The following WDR6 variants were observed in gnomAD, a reference collection of about 807,000 sequenced individuals.
WDR6 encodes the protein tRNA (34-2'-O)-methyltransferase regulator WDR6.
In WDR6, 58 loss-of-function variants were observed where a neutral mutation model predicts 85.6. The ratio of observed to expected loss-of-function variants is 0.68; its 90% CI spans 0.55 to 0.84. WDR6 has a LOEUF of 0.84. WDR6 is among the 40% of genes least tolerant of loss of function. WDR6 has a pLI of 0.00. For synonymous variants in WDR6, 569 were observed against 582.2 expected, an observed-to-expected ratio of 0.98 and a Z score of 0.33; for missense variants, 1,310 against 1,476.4, an observed-to-expected ratio of 0.89 and a Z score of 1.85.
Position 49,009,324 on chromosome 3 carries a change from C to A in WDR6, c.100+1793C>A, listed in dbSNP as rs1374111573. 2.0e-4 allele frequency among the ~76,000 whole-genome samples: 25 copies of A among 125,782 alleles called. 1 individual carries two copies. The highest frequency in any genetic ancestry group is 3.2e-4 in the Non-Finnish European group (19 of 59,026). 82.5% of individuals were successfully genotyped at this position (125,782 alleles called of 152,430 possible). A position where few individuals can be genotyped will look rare whatever the true frequency, so the allele number is the denominator to read the frequency against. ...CCATTGCTCCCCACCCCCCCCCCCCCGCCCCAACATTTCCCAGTCCCCCTC... is the reference window on the plus strand; with the variant it reads ...CCATTGCTCCCCACCCCCCCCCCCCAGCCCCAACATTTCCCAGTCCCCCTC... On this transcript the variant is annotated intron_variant, in intron 1 of 5. Transcript: ENST00000608424.
At position 49,015,554 on chromosome 3, in the gene WDR6, G is replaced by T; in HGVS notation, c.*266G>T. ...TGCTTTTTTTCCAGTTGATGACTTT[G>T]TGAACATTCCCAGGTATTGGAGCCT... On this transcript the variant is annotated 3_prime_UTR_variant, in exon 6 of 6. Transcript: ENST00000608424. The T allele has an allele frequency of 6.2e-7, 1 of 1,608,990 alleles. No homozygotes were observed. The highest frequency in any genetic ancestry group is 8.5e-7 in the Non-Finnish European group (1 of 1,178,092).
In WDR6 at chr3:49,012,671, G is replaced by C. The variant is rs146618460; in HGVS notation, c.1137G>C (p.Lys379Asn). 4.2e-5 allele frequency: 67 copies of C among 1,613,968 alleles called. No individual in the cohort carries two copies. The highest frequency in any genetic ancestry group is 5.1e-5 in the Non-Finnish European group (60 of 1,180,020). ...GALYLYDVEV[K>N]CWEQLLEDKH... ...TGTATCTCTATGACGTCGAGGTCAA[G>C]TGCTGGGAGCAGCTGCTAGAGGATA... The change falls in exon 2 of 6, where the codon AAG becomes AAC. Residue 379 changes from lysine to asparagine, a missense_variant. Transcript: ENST00000608424. This position sits in a 1 kb window ranked among gnomAD's most constrained non-coding sequence, Gnocchi z 4.4.
chr3:49,013,144 G>T lies in WDR6; in HGVS notation c.1610G>T (p.Gly537Val), dbSNP rs200785332. 2.5e-5 allele frequency: 41 copies of T among 1,609,254 alleles called. No homozygotes were observed. In the South Asian group the frequency reaches 4.4e-4, roughly 17 times the overall value. Residue 537 changes from glycine (G) to valine (V), a missense_variant, in exon 2 of 6, where the codon GGT becomes GTT. Gly to Val is a moderately radical substitution (Grantham distance 109). Coordinates refer to ENST00000608424, the MANE Select transcript of WDR6 (RefSeq NM_018031.6). This position sits in a 1 kb window ranked among gnomAD's most constrained non-coding sequence, Gnocchi z 4.6. ...DPGVGGKARA[G>V]AGAPVVGSGS... The stretch of plus-strand genomic sequence containing the variant: ...GGGGTGGGAGGCAAGGCTCGGGCTG[G>T]TGCTGGGGCACCTGTAGTGGGTAGT...
chr3:49,012,032 T>C lies in WDR6; in HGVS notation c.498T>C (p.Ile166=). 1 of 1,614,138 alleles carries C rather than the reference T, an allele frequency of 6.2e-7. No individual in the cohort carries two copies. The highest frequency in any genetic ancestry group is 8.5e-7 in the Non-Finnish European group (1 of 1,180,020). ...GCACCCTCTCTTCAGCCTGCCTGATTGGAGACGCCTGGAAGGAGCTGACCA... is the reference window on the plus strand; with the variant it reads ...GCACCCTCTCTTCAGCCTGCCTGATCGGAGACGCCTGGAAGGAGCTGACCA... ...DRCTLSSACL[I]GDAWKELTIV... The change falls in exon 2 of 6, where the codon ATT becomes ATC. Residue 166 remains isoleucine (I), a synonymous_variant. Transcript: ENST00000608424. This position sits in a 1 kb window ranked among gnomAD's most constrained non-coding sequence, Gnocchi z 4.4.
Position 49,007,815 on chromosome 3 carries a change from C to T in WDR6, c.100+284C>T, listed in dbSNP as rs947936208. On this transcript the variant is annotated intron_variant, in intron 1 of 5. Transcript: ENST00000608424. This position sits in a 1 kb window ranked among gnomAD's most constrained non-coding sequence, Gnocchi z 5.1. ...CGCGGGAGGGTGCAGGGGAACGCGG[C>T]CGCGCGGAGGCGGAGGCGGAGGCCC... 2.6e-5 allele frequency among the ~76,000 whole-genome samples: 4 copies of T among 151,928 alleles called. No individual in the cohort carries two copies. Among genetic ancestry groups the T allele is most frequent in the Non-Finnish European group, 5.9e-5 (4 of 67,964 alleles).
In WDR6 at chr3:49,015,230, T is replaced by G; in HGVS notation, c.3308T>G (p.Phe1103Cys). 3.1e-6 allele frequency: 5 copies of G among 1,613,522 alleles called. No individual in the cohort carries two copies. In the South Asian group the frequency reaches 5.5e-5, roughly 18 times the overall value. The change falls in exon 6 of 6, where the codon TTT (phenylalanine) becomes TGT (cysteine). Residue 1103 changes from phenylalanine (F) to cysteine (C), a missense_variant. By Grantham distance (205) the Phe-to-Cys change is radical (BLOSUM62 -2). Coordinates refer to ENST00000608424, the MANE Select transcript of WDR6 (RefSeq NM_018031.6). ...GACTGCTGGCCTGTGAGCCCTGAGT[T>G]TGGCCACCGTTGTGCCCTTGGGGGT... ...DMDCWPVSPE[F>C]GHRCALGGQG...
At position 49,012,008 on chromosome 3, in the gene WDR6, C is replaced by A; in HGVS notation, c.474C>A (p.Cys158Ter). 1.9e-6 allele frequency: 3 copies of A among 1,614,194 alleles called. No homozygotes were observed. Among genetic ancestry groups the A allele is most frequent in the Non-Finnish European group, 2.5e-6 (3 of 1,180,034 alleles). The change falls in exon 2 of 6, where the codon TGC becomes TGA. Residue 158 changes from cysteine (C) to a stop codon, truncating the protein, a stop_gained. Coordinates refer to ENST00000608424, the MANE Select transcript of WDR6 (RefSeq NM_018031.6). LOFTEE classifies it high-confidence loss of function. This position sits in a 1 kb window ranked among gnomAD's most constrained non-coding sequence, Gnocchi z 4.4. Reference protein sequence around the residue: ...ILQEVPCTDRCTLSSACLIGD... With the variant: ...ILQEVPCTDR ...AAGAGGTGCCCTGCACAGACAGGTG[C>A]ACCCTCTCTTCAGCCTGCCTGATTG...
At chr3:49,008,824 C>G (rs1170480498) in intron 1 of WDR6, 4 of 152,612 alleles carry the variant, frequency 2.6e-5, no homozygotes, top group Non-Finnish European at 5.9e-5. Flanking sequence ...TCACCTACTT[C>G]TGTGGCTTCC....
rs2093016848 is a variant in WDR6 at position 49,011,815 on chromosome 3, T to C, written c.281T>C (p.Val94Ala). 1.2e-6 allele frequency: 2 copies of C among 1,614,018 alleles called. No individual in the cohort carries two copies. Among genetic ancestry groups the C allele is most frequent in the Non-Finnish European group, 1.7e-6 (2 of 1,180,006 alleles). Residue 94 changes from valine to alanine, a missense_variant, in exon 2 of 6, where the codon GTT becomes GCT. By Grantham distance (64) the Val-to-Ala change is moderately conservative. Coordinates refer to ENST00000608424, the MANE Select transcript of WDR6 (RefSeq NM_018031.6). ...GTGTTTGGAAGCAAGGGACTCCGAG[T>C]TGTGAAAATTAGCTGGGGACAGGGC... Reference protein sequence around the residue: ...VAVFGSKGLRVVKISWGQGHF... With the variant: ...VAVFGSKGLRAVKISWGQGHF...
In WDR6 at chr3:49,007,663, G is replaced by T. The variant is rs1347923329; in HGVS notation, c.100+132G>T. 7 of 1,353,724 alleles carry T rather than the reference G, an allele frequency of 5.2e-6. No individual in the cohort carries two copies. Among genetic ancestry groups the T allele is most frequent in the Admixed American group, 3.2e-5 (1 of 30,810 alleles). 83.9% of individuals were successfully genotyped at this position (1,353,724 alleles called of 1,614,324 possible). A position where few individuals can be genotyped will look rare whatever the true frequency, so the allele number is the denominator to read the frequency against. On this transcript the variant is annotated intron_variant, in intron 1 of 5. Transcript: ENST00000608424. This position sits in a 1 kb window ranked among gnomAD's most constrained non-coding sequence, Gnocchi z 5.1. ...AGCAGGTTGAGGCCGATCGGAGGTGGGAAGGGAGCCCCGGAGATGGCGGGG... is the reference window on the plus strand; with the variant it reads ...AGCAGGTTGAGGCCGATCGGAGGTGTGAAGGGAGCCCCGGAGATGGCGGGG...
In WDR6 at chr3:49,012,666, G is replaced by A. The variant is rs373939718; in HGVS notation, c.1132G>A (p.Val378Ile). 2 of 1,613,964 alleles carry A rather than the reference G, an allele frequency of 1.2e-6. No individual in the cohort carries two copies. The highest frequency in any genetic ancestry group is 1.7e-6 in the Non-Finnish European group (2 of 1,180,012). The change falls in exon 2 of 6, where the codon GTC (valine) becomes ATC (isoleucine). Residue 378 changes from valine to isoleucine, a missense_variant. Physicochemically the swap from Val to Ile is conservative, Grantham distance 29. Transcript: ENST00000608424. The surrounding 1 kb of genome is among the most constrained non-coding windows in gnomAD (Gnocchi z 4.4). ...TGALYLYDVE[V>I]KCWEQLLEDK... is the part of the protein sequence containing the mutation. ...GGCCCTGTATCTCTATGACGTCGAGGTCAAGTGCTGGGAGCAGCTGCTAGA... is the reference window on the plus strand; with the variant it reads ...GGCCCTGTATCTCTATGACGTCGAGATCAAGTGCTGGGAGCAGCTGCTAGA...
chr3:49,010,997 CAG>C (rs1293329097), intron 1 of WDR6: 6 of 421,532 alleles, frequency 1.4e-5, no homozygotes, highest in Non-Finnish European at 2.8e-5. Context: ...GCCTCAGCGA[CAG>C]AATGAGACTC....
rs559131693 is a variant in WDR6 at position 49,007,463 on chromosome 3, G to C, written c.32G>C (p.Arg11Pro). 1 of 1,612,690 alleles carries C rather than the reference G, an allele frequency of 6.2e-7. No homozygotes were observed. The highest frequency in any genetic ancestry group is 1.7e-5 in the Admixed American group (1 of 59,966). The change falls in exon 1 of 6, where the codon CGG becomes CCG. Residue 11 changes from arginine (R) to proline (P), a missense_variant. Coordinates refer to ENST00000608424, the MANE Select transcript of WDR6 (RefSeq NM_018031.6). This position sits in a 1 kb window ranked among gnomAD's most constrained non-coding sequence, Gnocchi z 5.1. MDALEDYVWPRATSELILLPV... is the reference protein window; with the variant it reads MDALEDYVWPPATSELILLPV... ...GCTCTCGAGGACTACGTTTGGCCGCGGGCAACCTCGGAGCTTATACTCCTC... is the reference window on the plus strand; with the variant it reads ...GCTCTCGAGGACTACGTTTGGCCGCCGGCAACCTCGGAGCTTATACTCCTC...
Position 49,015,600 on chromosome 3 carries a change from C to A in WDR6, c.*312C>A. ...AGCCTCTGTGGCCTTAAATGTGGCT[C>A]AGTGGAGGGAGACCCAGCATAGCCA... On this transcript the variant is annotated 3_prime_UTR_variant, in exon 6 of 6. Coordinates refer to ENST00000608424, the MANE Select transcript of WDR6 (RefSeq NM_018031.6). 1.2e-6 allele frequency: 2 copies of A among 1,614,122 alleles called. No individual in the cohort carries two copies. Among genetic ancestry groups the A allele is most frequent in the Non-Finnish European group, 8.5e-7 (1 of 1,180,020 alleles).
chr3:49,014,055 G>A lies in WDR6; in HGVS notation c.2521G>A (p.Asp841Asn). The stretch of plus-strand genomic sequence containing the variant: ...CATGCACCTTTCGTCCCACCGGCTA[G>A]ATGAGTATTGGGACCGGCAACGCAA... The part of the protein sequence containing the change: ...HVMHLSSHRL[D>N]EYWDRQRNRH... Residue 841 changes from aspartate to asparagine, a missense_variant, in exon 2 of 6, where the codon GAT becomes AAT. By Grantham distance (23) the Asp-to-Asn change is conservative (BLOSUM62 1). Coordinates refer to ENST00000608424, the MANE Select transcript of WDR6 (RefSeq NM_018031.6). This position sits in a 1 kb window ranked among gnomAD's most constrained non-coding sequence, Gnocchi z 4.9. The A allele has an allele frequency of 6.2e-7, 1 of 1,613,056 alleles. No individual in the cohort carries two copies. Among genetic ancestry groups the A allele is most frequent in the Non-Finnish European group, 8.5e-7 (1 of 1,180,018 alleles).
rs759413530 is a variant in WDR6 at position 49,012,476 on chromosome 3, C to G, written c.942C>G (p.Ile314Met). 7 of 1,614,006 alleles carry G rather than the reference C, an allele frequency of 4.3e-6. No homozygotes were observed. In the African/African-American group the frequency reaches 5.3e-5, roughly 12 times the overall value. The change falls in exon 2 of 6, where the codon ATC (isoleucine) becomes ATG (methionine). Residue 314 changes from isoleucine to methionine, a missense_variant. Physicochemically the swap from Ile to Met is conservative, Grantham distance 10. Coordinates refer to ENST00000608424, the MANE Select transcript of WDR6 (RefSeq NM_018031.6). The surrounding 1 kb of genome is among the most constrained non-coding windows in gnomAD (Gnocchi z 4.4). ...CCCATGAGAGGCAGGCCTGGGTGAT[C>G]ACTGGGGGTGATGACTCAGGCATTC... ...IAAHERQAWV[I>M]TGGDDSGIRL...
rs1226807768 is a variant in WDR6, at chr3:49,011,961, C to T, written c.427C>T (p.Pro143Ser). ...LGHNSVVLYD[P>S]VVGCILQEVP... ...CCACAACTCAGTGGTGCTATATGAC[C>T]CTGTAGTAGGGTGCATCCTGCAAGA... Residue 143 changes from proline to serine, a missense_variant, in exon 2 of 6, where the codon CCT (proline) becomes TCT (serine). Pro to Ser is a moderately conservative substitution (Grantham distance 74). Coordinates refer to ENST00000608424, the MANE Select transcript of WDR6 (RefSeq NM_018031.6). The T allele has an allele frequency of 6.2e-7, 1 of 1,614,158 alleles. No individual in the cohort carries two copies. Among genetic ancestry groups the T allele is most frequent in the Admixed American group, 1.7e-5 (1 of 60,018 alleles).
rs760033737 is a variant in WDR6 at position 49,013,383 on chromosome 3, G to T, written c.1849G>T (p.Ala617Ser). ...QKSCRGMNWL[A>S]GLRIVPDGSM... ...GTCCTGTCGAGGCATGAACTGGCTA[G>T]CTGGGCTCCGTATAGTGCCCGATGG... The change falls in exon 2 of 6, where the codon GCT becomes TCT. Residue 617 changes from alanine (A) to serine (S), a missense_variant. Ala to Ser is a moderately conservative substitution (Grantham distance 99). Coordinates refer to ENST00000608424, the MANE Select transcript of WDR6 (RefSeq NM_018031.6). This position sits in a 1 kb window ranked among gnomAD's most constrained non-coding sequence, Gnocchi z 4.6. 1 of 1,614,176 alleles carries T rather than the reference G, an allele frequency of 6.2e-7. No homozygotes were observed. Among genetic ancestry groups the T allele is most frequent in the Non-Finnish European group, 8.5e-7 (1 of 1,180,018 alleles).
chr3:49,013,279 T>C lies in WDR6; in HGVS notation c.1745T>C (p.Val582Ala). The C allele has an allele frequency of 6.2e-7, 1 of 1,614,116 alleles. No individual in the cohort carries two copies. Among genetic ancestry groups the C allele is most frequent in the Non-Finnish European group, 8.5e-7 (1 of 1,180,006 alleles). ...TCAGTCACATGCCATGGTGGCTATG[T>C]GTATACCACAGGGCGTGATGGAGCC... is the stretch of plus-strand genomic sequence containing the variant. Reference protein sequence around the residue: ...VTSVTCHGGYVYTTGRDGAYY... With the variant: ...VTSVTCHGGYAYTTGRDGAYY... The change falls in exon 2 of 6, where the codon GTG (valine) becomes GCG (alanine). Residue 582 changes from valine to alanine, a missense_variant. Val to Ala is a moderately conservative substitution (Grantham distance 64). Transcript: ENST00000608424. This position sits in a 1 kb window ranked among gnomAD's most constrained non-coding sequence, Gnocchi z 4.6.
Sources: allele counts gnomAD v4.1 joint callset (sites outside exome capture counted in the v4.1 genomes callset), GRCh38; gene constraint gnomAD v4.1.1; non-coding constraint Gnocchi (gnomAD v3.1); transcripts MANE v1.5; gene names NCBI Gene and HGNC (gene_info 2026-07-23, HGNC 2026-07-21).